MTA3: variants seen among roughly 807,000 people sequenced by gnomAD.
MTA3 encodes metastasis-associated protein MTA3.
MTA3 carries 34 observed loss-of-function variants against 83.5 expected under a neutral mutation model. The observed-to-expected ratio is 0.41, with a 90% CI of 0.31 to 0.54. The LOEUF is 0.54. Among genes scored for constraint, MTA3 ranks in the 20% least tolerant of loss-of-function variants. The probability of loss-of-function intolerance (pLI) is 0.33; values close to 1 mark genes in which losing one functional copy is unlikely to be tolerated. For synonymous variants in MTA3, 303 were observed against 252.7 expected (o/e 1.20, Z -1.89); for missense variants, 761 against 726.4 (o/e 1.05, Z -0.55).
chr2:42,599,924 T>TGGTG (rs1558480327), intron 3 of MTA3, among the ~76,000 whole-genome samples: 1 of 151,876 alleles, frequency 6.6e-6, no homozygotes, highest in African/African-American at 2.4e-5. Context: ...GGGCCAGGCA[T>TGGTG]GGTGGCTCAC....
At chr2:42,688,242 C>G (rs1245332910) in intron 9 of MTA3, among the ~76,000 whole-genome samples, 4 of 152,142 alleles carry the variant, frequency 2.6e-5, no homozygotes, top group Non-Finnish European at 2.9e-5. Context: ...GTCTGGCTAA[C>G]TTTCTTTTAA....
intron 3 of MTA3, among the ~76,000 whole-genome samples, chr2:42,607,919 C>G (rs548831773): frequency 5.3e-5 from 8 of 152,274 alleles, no homozygotes; most frequent in East Asian, 3.9e-4. Context: ...CTACTGCACT[C>G]TAGCCTGGGT....
At chr2:42,622,408 G>C (rs562591604) in intron 4 of MTA3, among the ~76,000 whole-genome samples, 25 of 151,232 alleles carry the variant, frequency 1.7e-4, no homozygotes, top group Middle Eastern at 3.4e-3. Context: ...GAGAGGGGTA[G>C]GGGGAGGTAG....
chr2:42,618,169 A>G (rs1029033896), intron 4 of MTA3, among the ~76,000 whole-genome samples: 1 of 152,144 alleles, frequency 6.6e-6, no homozygotes, highest in Non-Finnish European at 1.5e-5. Flanking sequence ...GCTGGTCTTG[A>G]ACACTTGGCC....
At chr2:42,612,640 C>G (rs1198347010) in intron 4 of MTA3, among the ~76,000 whole-genome samples, 2 of 152,110 alleles carry the variant, frequency 1.3e-5, no homozygotes, top group African/African-American at 4.8e-5. Context: ...GCAGGTGGAT[C>G]CCTTTAGGTC....
At chr2:42,608,025 G>C (rs1414902607) in intron 3 of MTA3, among the ~76,000 whole-genome samples, 1 of 152,236 alleles carries the variant, frequency 6.6e-6, no homozygotes, top group African/African-American at 2.4e-5. Flanking sequence ...TTTCATTAGT[G>C]ATCTGCATCA....
intron 3 of MTA3, among the ~76,000 whole-genome samples, chr2:42,594,705 C>CATATATATATATAT (rs1167117095): frequency 2.3e-3 from 105 of 46,452 alleles, no homozygotes; most frequent in Non-Finnish European, 2.6e-3. Flanking sequence ...TATAAATATA[C>CATATATATATATAT]ATATATATAT....
At chr2:42,595,831 A>C (rs74758412) in intron 3 of MTA3, among the ~76,000 whole-genome samples, 4,142 of 152,274 alleles carry the variant, frequency 0.027, 169 homozygotes, top group African/African-American at 0.094. Context: ...TAATAGTAGG[A>C]GCTAACACAT....
chr2:42,702,165 C>G (rs1381987110), intron 11 of MTA3: 1 of 152,372 alleles, frequency 6.6e-6, no homozygotes, highest in South Asian at 2.1e-4. Context: ...GAGCCAAGAT[C>G]GTGCCATTGC....
chr2:42,497,003 C>T (rs1016556185), intron 2 of MTA3, among the ~76,000 whole-genome samples: 9 of 151,636 alleles, frequency 5.9e-5, no homozygotes, highest in South Asian at 4.2e-4. Context: ...TTCAGGAGTT[C>T]GAGACCAGCT....
rs1484961910 is a variant in MTA3 at position 42,637,499 on chromosome 2, A to G, written c.318-2674A>G. Among the ~76,000 whole-genome samples, 7 of 152,338 alleles carry G rather than the reference A, an allele frequency of 4.6e-5. No homozygotes were observed. The East Asian group carries it at 1.3e-3, about 29-fold the overall frequency. ...ATGAGCCAAGATTTGTTTGGCATAA[A>G]GGAAACTAACGCTTTAAATCTCTTT... On this transcript the variant is annotated intron_variant, in intron 4 of 16. Transcript: ENST00000405094.
At chr2:42,556,801 A>G (rs1274314685) in intron 2 of MTA3, among the ~76,000 whole-genome samples, 1 of 152,094 alleles carries the variant, frequency 6.6e-6, no homozygotes, top group East Asian at 1.9e-4. Flanking sequence ...AAGGCCACAG[A>G]GTGTTCAACT....
chr2:42,518,576 A>C (rs1026186104), intron 2 of MTA3, among the ~76,000 whole-genome samples: 2 of 152,218 alleles, frequency 1.3e-5, no homozygotes, highest in African/African-American at 2.4e-5. Flanking sequence ...ACAAATCTCC[A>C]TGCAGAATAA....
At chr2:42,529,798 G>A (rs2103716800) in intron 2 of MTA3, among the ~76,000 whole-genome samples, 1 of 152,308 alleles carries the variant, frequency 6.6e-6, no homozygotes, top group Middle Eastern at 3.4e-3. Context: ...TTAACCATAA[G>A]GACCAGGAGG....
intron 2 of MTA3, among the ~76,000 whole-genome samples, chr2:42,577,105 A>AAAAAAAAATAT (rs1211189566): frequency 1.2e-4 from 10 of 86,952 alleles, no homozygotes; most frequent in African/African-American, 4.9e-4. Flanking sequence ...AAAAAAAAAA[A>AAAAAAAAATAT]ATATATATAT....
At chr2:42,552,489 A>G (rs1156486946) in intron 2 of MTA3, among the ~76,000 whole-genome samples, 1 of 152,062 alleles carries the variant, frequency 6.6e-6, no homozygotes, top group African/African-American at 2.4e-5. Context: ...GGTGGTGGCT[A>G]AAGCCTGTAA....
intron 9 of MTA3, among the ~76,000 whole-genome samples, chr2:42,687,476 T>A (rs892340980): frequency 6.6e-6 from 1 of 152,214 alleles, no homozygotes; most frequent in African/African-American, 2.4e-5. Flanking sequence ...GAATTTGAAT[T>A]GTTTCTGATT....
chr2:42,644,476 T>G (rs1687985106), intron 6 of MTA3, among the ~76,000 whole-genome samples: 1 of 152,182 alleles, frequency 6.6e-6, no homozygotes, highest in African/African-American at 2.4e-5. Context: ...TCCTCCCACC[T>G]CGGACTCCCA....
At chr2:42,564,660 A>G (rs1015272689), upstream of MTA3, among the ~76,000 whole-genome samples, 13 of 152,218 alleles carry the variant, frequency 8.5e-5, no homozygotes, top group African/African-American at 3.1e-4. Context: ...CCAACAAGAT[A>G]AAGTCCCTTT....
Sources: allele counts gnomAD v4.1 joint callset (sites outside exome capture counted in the v4.1 genomes callset), GRCh38; gene constraint gnomAD v4.1.1; transcripts MANE v1.5; gene names NCBI Gene and HGNC (gene_info 2026-07-23, HGNC 2026-07-21).